RWDD1: variants seen among roughly 807,000 people sequenced by gnomAD.
RWDD1 encodes the protein RWD domain-containing protein 1.
In RWDD1, 17 loss-of-function variants were observed where a neutral mutation model predicts 31.6. That is an observed-to-expected ratio of 0.54 (90% CI 0.37 to 0.81). The LOEUF is 0.81. RWDD1 is among the 30% of genes least tolerant of loss of function. The pLI, the probability that RWDD1 is intolerant of heterozygous loss-of-function variation, is 0.00. For missense variants in RWDD1, 204 were observed against 274.5 expected (o/e 0.74, Z 1.82); for synonymous variants, 78 against 94.2 (o/e 0.83, Z 0.99).
Position 116,571,521 on chromosome 6 carries a change from G to T in RWDD1, c.-62G>T. 1.3e-6 allele frequency: 2 copies of T among 1,557,212 alleles called. No homozygotes were observed. Among genetic ancestry groups the T allele is most frequent in the Non-Finnish European group, 1.7e-6 (2 of 1,146,158 alleles). On this transcript the variant is annotated 5_prime_UTR_variant, in exon 1 of 7. Coordinates refer to ENST00000466444, the MANE Select transcript of RWDD1 (RefSeq NM_015952.4). Reference sequence around the variant, plus strand: ...CGCCCGCTCTCCCGGCGCGGCAGCTGTCTGGGCTGCTGCGCGCCGCCTAGG... The same window carrying T: ...CGCCCGCTCTCCCGGCGCGGCAGCTTTCTGGGCTGCTGCGCGCCGCCTAGG...
chr6:116,578,820 A>G (rs1230421216), intron 1 of RWDD1, among the ~76,000 whole-genome samples: 1 of 152,166 alleles, frequency 6.6e-6, no homozygotes, highest in East Asian at 1.9e-4. Flanking sequence ...ATCATTTCTT[A>G]AAGTACCTTA....
At chr6:116,586,690 A>G (rs1472351454) in intron 3 of RWDD1, among the ~76,000 whole-genome samples, 2 of 152,210 alleles carry the variant, frequency 1.3e-5, no homozygotes, top group Non-Finnish European at 2.9e-5. Flanking sequence ...AGTGCCTTGC[A>G]CATAATAGAC....
Position 116,596,688 on chromosome 6 carries a change from T to A in RWDD1, c.*3587T>A, listed in dbSNP as rs1279323746. The A allele has an allele frequency of 2.0e-5, 3 of 152,190 alleles. No homozygotes were observed. Among genetic ancestry groups the A allele is most frequent in the African/African-American group, 7.2e-5 (3 of 41,454 alleles). 9.4% of individuals were successfully genotyped at this position (152,190 alleles called of 1,614,324 possible). On this transcript the variant is annotated 3_prime_UTR_variant, in exon 7 of 7. Transcript: ENST00000466444. ...CAGTAAAAAAATACACAAATTTCTT[T>A]TGCAGTTATTGATTTGGAATGATCA...
chr6:116,592,864 C>G (rs1436255570), intron 6 of RWDD1, 116 bp from the exon 7 acceptor site: 2 of 1,153,166 alleles, frequency 1.7e-6, no homozygotes, highest in Non-Finnish European at 2.4e-6. Flanking sequence ...TTTCATCACT[C>G]CTACCTCATA....
rs907077780 is a variant in RWDD1 at position 116,593,600 on chromosome 6, T to G, written c.*499T>G. The G allele has an allele frequency of 2.0e-5, 3 of 152,312 alleles. No individual in the cohort carries two copies. Among genetic ancestry groups the G allele is most frequent in the Non-Finnish European group, 4.4e-5 (3 of 68,142 alleles). 9.4% of individuals were successfully genotyped at this position (152,312 alleles called of 1,614,324 possible). On this transcript the variant is annotated 3_prime_UTR_variant, in exon 7 of 7. Transcript: ENST00000466444. The stretch of plus-strand genomic sequence containing the variant: ...TCATAAGTAAGATGAAGTTTAGCCT[T>G]CCTTTTAGTCCATTTTGTATTGCCG...
chr6:116,591,737 A>G (rs905406215), intron 6 of RWDD1, among the ~76,000 whole-genome samples: 4 of 152,254 alleles, frequency 2.6e-5, no homozygotes, highest in Admixed American at 2.6e-4. Context: ...CACCTTTGAT[A>G]GCACTCTAGA....
chr6:116,591,343 G>T (rs1388998002), intron 6 of RWDD1, among the ~76,000 whole-genome samples: 1 of 152,182 alleles, frequency 6.6e-6, no homozygotes, highest in East Asian at 1.9e-4. Flanking sequence ...AGTAGACAAT[G>T]ATGATCACAC....
chr6:116,590,916 T>TC lies in RWDD1; in HGVS notation c.577dup (p.Leu193ProfsTer2). 1.3e-6 allele frequency: 2 copies of TC among 1,571,630 alleles called. No individual in the cohort carries two copies. On this transcript the variant is annotated frameshift_variant, in exon 6 of 7. Transcript: ENST00000466444. LOFTEE classifies it high-confidence loss of function. ...AACAACTATTTGAAACAGATCATAA[T>TC]CTTGACACATCTGATATCCAGTTCT...
rs371456042 is a variant in RWDD1 at position 116,571,608 on chromosome 6, G to A, written c.26G>A (p.Arg9His). The change falls in exon 1 of 7, where the codon CGC (arginine) becomes CAC (histidine). Residue 9 changes from arginine to histidine, a missense_variant. Transcript: ENST00000466444. MTDYGEEQ[R>H]NELEALESIY... ...ATGACAGATTACGGCGAGGAGCAGC[G>A]CAACGAGCTGGAGGCCCTGGAGTCC... 2 of 1,613,556 alleles carry A rather than the reference G, an allele frequency of 1.2e-6. No individual in the cohort carries two copies. Among genetic ancestry groups the A allele is most frequent in the Admixed American group, 1.7e-5 (1 of 59,932 alleles).
At position 116,591,868 on chromosome 6, in the gene RWDD1, T is replaced by C. The variant is rs567698256; in HGVS notation, c.610+918T>C. Among the ~76,000 whole-genome samples, 8 of 152,408 alleles carry C rather than the reference T, an allele frequency of 5.2e-5. No homozygotes were observed. The South Asian group carries it at 1.0e-3, about 20-fold the overall frequency. Reference sequence around the variant, plus strand: ...AGAAGGTTAAGAAGCAGTATTGATATAGCTTACTGCTAAATGCTTTCTAAT... The same window carrying C: ...AGAAGGTTAAGAAGCAGTATTGATACAGCTTACTGCTAAATGCTTTCTAAT... On this transcript the variant is annotated intron_variant, in intron 6 of 6. Transcript: ENST00000466444.
At chr6:116,585,855 C>T (rs1168057789) in intron 3 of RWDD1, among the ~76,000 whole-genome samples, 1 of 152,040 alleles carries the variant, frequency 6.6e-6, no homozygotes, top group African/African-American at 2.4e-5. Context: ...AGGGCAGTGA[C>T]ATGATCATGG....
At chr6:116,591,729 C>T (rs533363174) in intron 6 of RWDD1, among the ~76,000 whole-genome samples, 45 of 152,376 alleles carry the variant, frequency 3.0e-4, no homozygotes, top group African/African-American at 1.1e-3. Flanking sequence ...CTCAGTCACA[C>T]CTTTGATAGC....
chr6:116,574,534 C>G (rs745990194), intron 1 of RWDD1, among the ~76,000 whole-genome samples: 2 of 152,066 alleles, frequency 1.3e-5, no homozygotes, highest in African/African-American at 2.4e-5. Context: ...CTTAATGTAC[C>G]TTTTAGCTGC....
At chr6:116,588,523 C>T (rs938983155) in intron 3 of RWDD1, among the ~76,000 whole-genome samples, 2 of 152,076 alleles carry the variant, frequency 1.3e-5, no homozygotes, top group African/African-American at 4.8e-5. Flanking sequence ...TGTCACAGCT[C>T]TTAAAATAGA....
At position 116,590,882 on chromosome 6, in the gene RWDD1, T is replaced by C; in HGVS notation, c.548-6T>C. On this transcript the variant is annotated splice_region_variant and splice_polypyrimidine_tract_variant and intron_variant, in intron 5 of 6. Coordinates refer to ENST00000466444, the MANE Select transcript of RWDD1 (RefSeq NM_015952.4). Reference sequence around the variant, plus strand: ...TGAATTAAACATACTTTTTTTTTTTTTTTAGGGAAACAACTATTTGAAACA... The same window carrying C: ...TGAATTAAACATACTTTTTTTTTTTCTTTAGGGAAACAACTATTTGAAACA... 1.3e-6 allele frequency: 2 copies of C among 1,566,312 alleles called. No individual in the cohort carries two copies. Among genetic ancestry groups the C allele is most frequent in the African/African-American group, 1.4e-5 (1 of 70,892 alleles).
In RWDD1 at chr6:116,571,539, C is replaced by T. The variant is rs572853865; in HGVS notation, c.-44C>T. On this transcript the variant is annotated 5_prime_UTR_variant, in exon 1 of 7. Coordinates refer to ENST00000466444, the MANE Select transcript of RWDD1 (RefSeq NM_015952.4). ...GGCAGCTGTCTGGGCTGCTGCGCGC[C>T]GCCTAGGTGTCTGGGCGATCTATGG... 4 of 1,591,448 alleles carry T rather than the reference C, an allele frequency of 2.5e-6. No homozygotes were observed. Among genetic ancestry groups the T allele is most frequent in the Non-Finnish European group, 1.7e-6 (2 of 1,168,684 alleles).
chr6:116,573,811 G>A (rs1368123306), intron 1 of RWDD1, among the ~76,000 whole-genome samples: 1 of 150,208 alleles, frequency 6.7e-6, no homozygotes, highest in Admixed American at 6.7e-5. Context: ...ATTAATGAAG[G>A]AAATAGATAT....
intron 2 of RWDD1, among the ~76,000 whole-genome samples, chr6:116,580,611 T>C (rs1453065225): frequency 2.0e-5 from 3 of 152,180 alleles, no homozygotes; most frequent in Admixed American, 6.5e-5. Flanking sequence ...ATATTAATAA[T>C]ACAGCAGATG....
chr6:116,585,640 G>A (rs1775025460), intron 3 of RWDD1, among the ~76,000 whole-genome samples: 1 of 152,122 alleles, frequency 6.6e-6, no homozygotes, highest in African/African-American at 2.4e-5. Context: ...CTAAAGATCA[G>A]TGGTCACCAT....
Sources: gnomAD v4.1 joint callset for allele counts (sites outside exome capture counted in the v4.1 genomes callset) on GRCh38, gnomAD v4.1.1 for gene constraint, MANE v1.5 for transcripts, NCBI Gene and HGNC (gene_info 2026-07-23, HGNC 2026-07-21) for gene names.